The following ATP2C2 variants were observed in gnomAD, a reference collection of about 807,000 sequenced individuals.
ATP2C2 encodes the protein ATPase secretory pathway Ca2+ transporting 2, also known as calcium-transporting ATPase type 2C member 2.
In ATP2C2, 171 loss-of-function variants were observed where a neutral mutation model predicts 110.8. That is an observed-to-expected ratio of 1.54 (90% CI 1.36 to 1.75). ATP2C2 has a LOEUF of 1.75. Ranked by LOEUF, ATP2C2 falls within the 40% of genes most tolerant of loss-of-function variation. The pLI, the probability that ATP2C2 is intolerant of heterozygous loss-of-function variation, is 0.00. For synonymous variants in ATP2C2, 804 were observed against 508.4 expected (o/e 1.58, Z -7.82); for missense variants, 1,963 against 1,235.0 (o/e 1.59, Z -8.84).
At chr16:84,418,629 G>T (rs895968452) in intron 7 of ATP2C2, among the ~76,000 whole-genome samples, 1 of 152,194 alleles carries the variant, frequency 6.6e-6, no homozygotes, top group African/African-American at 2.4e-5. Flanking sequence ...CAGAGGTTGC[G>T]TGGCCCTGCG....
Position 84,460,771 on chromosome 16 carries a change from C to A in ATP2C2, c.2451C>A (p.Ile817=), listed in dbSNP as rs1339840354. 1 of 1,613,926 alleles carries A rather than the reference C, an allele frequency of 6.2e-7. No homozygotes were observed. The highest frequency in any genetic ancestry group is 1.1e-5 in the South Asian group (1 of 91,070). Residue 817 remains isoleucine (I), a synonymous_variant, in exon 24 of 27, where the codon ATC becomes ATA. Coordinates refer to ENST00000262429, the MANE Select transcript of ATP2C2 (RefSeq NM_014861.4). ...TCCTCATGTCCGCGGCCATCATCATCAGCGGGACCCTCTTTATCTTCTGGA... is the reference window on the plus strand; with the variant it reads ...TCCTCATGTCCGCGGCCATCATCATAAGCGGGACCCTCTTTATCTTCTGGA... The part of the protein sequence containing the change: ...LKILMSAAII[I]SGTLFIFWKE...
chr16:84,429,199 T>G (rs1249234263), intron 11 of ATP2C2, among the ~76,000 whole-genome samples: 1 of 152,224 alleles, frequency 6.6e-6, no homozygotes, highest in African/African-American at 2.4e-5. Flanking sequence ...TCGCCCAGGC[T>G]GGAGTGCAAT....
chr16:84,451,817 G>A (rs247886), intron 17 of ATP2C2, 104 bp from the exon 18 acceptor site: 419,349 of 1,203,352 alleles, frequency 0.35, 74,892 homozygotes, highest in African/African-American at 0.46. Context: ...CAACCTGGGC[G>A]ATAAGAACAA....
At chr16:84,410,014 C>T (rs1441843612) in intron 4 of ATP2C2, among the ~76,000 whole-genome samples, 1 of 152,060 alleles carries the variant, frequency 6.6e-6, no homozygotes, top group East Asian at 1.9e-4. Flanking sequence ...CGAGACCATC[C>T]TGGCCCACAT....
At chr16:84,384,771 C>T (rs1425615505) in intron 1 of ATP2C2, among the ~76,000 whole-genome samples, 1 of 152,150 alleles carries the variant, frequency 6.6e-6, no homozygotes, top group Non-Finnish European at 1.5e-5. Context: ...TACCTGAAGC[C>T]GGGCATGGTG....
chr16:84,446,191 C>T, intron 15 of ATP2C2, 138 bp from the exon 16 acceptor site: 2 of 433,462 alleles, frequency 4.6e-6, no homozygotes, highest in Non-Finnish European at 7.9e-6. Context: ...GAGAAATGGC[C>T]TTTTTTCTAT....
At chr16:84,418,324 C>A (rs1453862291) in intron 7 of ATP2C2, among the ~76,000 whole-genome samples, 2 of 152,142 alleles carry the variant, frequency 1.3e-5, no homozygotes, top group African/African-American at 4.8e-5. Context: ...CCTCACCCCT[C>A]CTTGCCCCTT....
intron 11 of ATP2C2, among the ~76,000 whole-genome samples, chr16:84,436,270 G>A (rs1908728082): frequency 6.6e-6 from 1 of 152,242 alleles, no homozygotes; most frequent in African/African-American, 2.4e-5. Flanking sequence ...CTTCTCTTGG[G>A]AGCATGGGAG....
chr16:84,409,278 A>T (rs546974795), intron 4 of ATP2C2, among the ~76,000 whole-genome samples: 1 of 152,188 alleles, frequency 6.6e-6, no homozygotes, highest in Non-Finnish European at 1.5e-5. Context: ...GGTGGGGAAC[A>T]TCACACACTC....
At chr16:84,459,493 C>A in intron 23 of ATP2C2, 107 bp downstream of exon 23, 1 of 1,585,584 alleles carries the variant, frequency 6.3e-7, no homozygotes, top group Non-Finnish European at 8.6e-7. Context: ...CAAATACAGC[C>A]ACTTTCCATC....
intron 21 of ATP2C2, among the ~76,000 whole-genome samples, chr16:84,455,267 A>G (rs889976799): frequency 1.3e-5 from 2 of 152,126 alleles, no homozygotes; most frequent in Non-Finnish European, 2.9e-5. Context: ...CTGTGGGTGC[A>G]TTTCATGTGG....
chr16:84,412,767 C>T (rs1431713824), intron 6 of ATP2C2, among the ~76,000 whole-genome samples: 11 of 151,896 alleles, frequency 7.2e-5, no homozygotes, highest in Non-Finnish European at 1.5e-4. Context: ...ATCTGTCTTT[C>T]CCGAACATAC....
At chr16:84,454,184 A>T (rs988362127) in intron 20 of ATP2C2, among the ~76,000 whole-genome samples, 17 of 152,170 alleles carry the variant, frequency 1.1e-4, no homozygotes, top group African/African-American at 4.1e-4. Flanking sequence ...GGGAACTATT[A>T]ATGCCGTCAG....
At chr16:84,462,423 G>T (rs894313748) in intron 26 of ATP2C2, 3 of 324,028 alleles carry the variant, frequency 9.3e-6, no homozygotes, top group African/African-American at 4.1e-5. Flanking sequence ...AGCACGTGCA[G>T]GGAGGAAGGA....
chr16:84,455,070 A>G lies in ATP2C2; in HGVS notation c.2147+86A>G, dbSNP rs546247316. 5.7e-4 allele frequency: 685 copies of G among 1,199,196 alleles called. 2 individuals carry two copies. The highest frequency in any genetic ancestry group is 1.9e-3 in the East Asian group (61 of 32,406). 74.3% of individuals were successfully genotyped at this position (1,199,196 alleles called of 1,614,324 possible). A position where few individuals can be genotyped will look rare whatever the true frequency, so the allele number is the denominator to read the frequency against. On this transcript the variant is annotated intron_variant, in intron 21 of 26. Coordinates refer to ENST00000262429, the MANE Select transcript of ATP2C2 (RefSeq NM_014861.4). Reference sequence around the variant, plus strand: ...CTGGAACCTGCTACTGTGGAGATAGAGGGGGGGGTCTCGCGGAGTCCCCAG... The same window carrying G: ...CTGGAACCTGCTACTGTGGAGATAGGGGGGGGGGTCTCGCGGAGTCCCCAG...
At chr16:84,392,585 C>T (rs779512460) in intron 1 of ATP2C2, among the ~76,000 whole-genome samples, 25 of 152,184 alleles carry the variant, frequency 1.6e-4, no homozygotes, top group Non-Finnish European at 2.2e-4. Context: ...ACCTTAGCCT[C>T]CTGAGTAGCT....
At chr16:84,390,738 T>C (rs1163843255) in intron 1 of ATP2C2, among the ~76,000 whole-genome samples, 2 of 152,136 alleles carry the variant, frequency 1.3e-5, no homozygotes, top group African/African-American at 4.8e-5. Context: ...AGGTACTAGA[T>C]GCACTGAACT....
chr16:84,422,633 T>TC lies in ATP2C2; in HGVS notation c.780dup (p.Val261ArgfsTer15). ...TTCTCTCTCTCCTGGACACAGGGGG[T>TC]CGTGATTGGAACAGGGGAAAGCTCT... On this transcript the variant is annotated frameshift_variant, in exon 9 of 27. Coordinates refer to ENST00000262429, the MANE Select transcript of ATP2C2 (RefSeq NM_014861.4). LOFTEE classifies it high-confidence loss of function. The TC allele has an allele frequency of 6.2e-7, 1 of 1,612,454 alleles. No individual in the cohort carries two copies. Among genetic ancestry groups the TC allele is most frequent in the Non-Finnish European group, 8.5e-7 (1 of 1,179,470 alleles).
At chr16:84,459,437 C>T (rs1911039687) in intron 23 of ATP2C2, 51 bp downstream of exon 23, 5 of 1,604,330 alleles carry the variant, frequency 3.1e-6, no homozygotes, top group African/African-American at 1.3e-5. Context: ...ACCTGCGGGG[C>T]TTCCTCCAGG....
Sources: gnomAD v4.1 joint callset for allele counts (sites outside exome capture counted in the v4.1 genomes callset) on GRCh38, gnomAD v4.1.1 for gene constraint, MANE v1.5 for transcripts, NCBI Gene and HGNC (gene_info 2026-07-23, HGNC 2026-07-21) for gene names.